Variants in CDKL4 observed in about 807,000 individuals in gnomAD.
CDKL4 encodes cyclin-dependent kinase-like 4.
Under a neutral mutation model 42.0 loss-of-function variants are expected in CDKL4, and 44 were observed. That is an observed-to-expected ratio of 1.05 (90% CI 0.82 to 1.35). The LOEUF is 1.35. Ranked by LOEUF, CDKL4 falls within the 40% of genes most tolerant of loss-of-function variation. The pLI is 0.00. For synonymous variants in CDKL4, 120 were observed against 121.6 expected (o/e 0.99, Z 0.09); for missense variants, 393 against 369.9 (o/e 1.06, Z -0.51).
At chr2:39,203,369 T>C (rs1676971367) in intron 5 of CDKL4, among the ~76,000 whole-genome samples, 1 of 152,238 alleles carries the variant, frequency 6.6e-6, no homozygotes, top group South Asian at 2.1e-4. Context: ...ATGTTCTTAA[T>C]GCTTGTAATG....
rs1020001271 is a variant in CDKL4, at chr2:39,213,386, A to T, written c.363+14T>A. 2.0e-6 allele frequency: 3 copies of T among 1,496,880 alleles called. No homozygotes were observed. The highest frequency in any genetic ancestry group is 2.8e-6 in the Non-Finnish European group (3 of 1,078,264). The allele number at this position is 1,496,880 out of a possible 1,614,324, so 92.7% of individuals were successfully genotyped here. A position where few individuals can be genotyped will look rare whatever the true frequency, so the allele number is the denominator to read the frequency against. The stretch of plus-strand genomic sequence containing the variant: ...ATGAAGAAATGAATAAATACATTAG[A>T]AAATGTTACTTACGTTATGTATATG... On this transcript the variant is annotated intron_variant, in intron 4 of 9. Coordinates refer to ENST00000451199, the Ensembl canonical transcript of CDKL4.
Position 39,224,518 on chromosome 2 carries a change from T to C in CDKL4, c.290+1321A>G, listed in dbSNP as rs546620509. Among the ~76,000 whole-genome samples, 1,233 of 150,308 alleles carry C rather than the reference T, an allele frequency of 8.2e-3. 18 individuals are homozygous for C. The highest frequency in any genetic ancestry group is 0.028 in the African/African-American group (1,150 of 40,938). On this transcript the variant is annotated intron_variant, in intron 3 of 9. Transcript: ENST00000451199. ...CACTAATTTTTTTTTTTTTTTTTTT[T>C]CTTGAGACAGAGTCTTGTTCTGTCA...
intron 3 of CDKL4, among the ~76,000 whole-genome samples, chr2:39,216,326 G>C (rs1677914718): frequency 6.6e-6 from 1 of 152,160 alleles, no homozygotes; most frequent in Non-Finnish European, 1.5e-5. Flanking sequence ...CCTGAGGAGA[G>C]AAAGAACTGG....
intron 5 of CDKL4, among the ~76,000 whole-genome samples, chr2:39,192,849 G>A (rs1304120266): frequency 2.0e-5 from 3 of 151,952 alleles, no homozygotes; most frequent in Non-Finnish European, 2.9e-5. Flanking sequence ...TTCAAGGCCC[G>A]GCACAGTAGC....
chr2:39,213,554 T>C, intron 3 of CDKL4, 82 bp from the exon 4 acceptor site: 1 of 864,460 alleles, frequency 1.2e-6, no homozygotes, highest in Non-Finnish European at 2.0e-6. Flanking sequence ...AGTGGAGTGG[T>C]GAGGGACTGT....
chr2:39,233,856 A>G (rs1365666676), intron 1 of CDKL4, among the ~76,000 whole-genome samples: 1 of 150,244 alleles, frequency 6.7e-6, no homozygotes, highest in African/African-American at 2.4e-5. Flanking sequence ...TCAAATCACA[A>G]GTGGACAAAA....
upstream of CDKL4, among the ~76,000 whole-genome samples, chr2:39,246,693 C>A (rs1679927384): frequency 6.6e-6 from 1 of 152,156 alleles, no homozygotes; most frequent in Non-Finnish European, 1.5e-5. Context: ...CATCTATCAA[C>A]AACCTGGTTT....
intron 9 of CDKL4, chr2:39,178,947 G>C: frequency 1.4e-6 from 2 of 1,444,492 alleles, no homozygotes; most frequent in Non-Finnish European, 9.1e-7. Flanking sequence ...AGCAGCCAAA[G>C]AGTTGCGTAA....
At position 39,217,620 on chromosome 2, in the gene CDKL4, T is replaced by G. The variant is rs536786752; in HGVS notation, c.291-4148A>C. Among the ~76,000 whole-genome samples, 8 of 152,268 alleles carry G rather than the reference T, an allele frequency of 5.3e-5. No homozygotes were observed. In the East Asian group the frequency reaches 1.3e-3, roughly 26 times the overall value. On this transcript the variant is annotated intron_variant, in intron 3 of 9. Coordinates refer to ENST00000451199, the Ensembl canonical transcript of CDKL4. Reference sequence around the variant, plus strand: ...TTTACTTCCATTTCCCTTCCCAACTTTATCTCCTATCACATCCCTAAAGTC... The same window carrying G: ...TTTACTTCCATTTCCCTTCCCAACTGTATCTCCTATCACATCCCTAAAGTC...
chr2:39,196,631 G>A (rs534570811), intron 5 of CDKL4, among the ~76,000 whole-genome samples: 3 of 151,692 alleles, frequency 2.0e-5, no homozygotes, highest in East Asian at 1.9e-4. Flanking sequence ...TTTTTGAGAC[G>A]GAGTCTTGCT....
rs1038937262 is a variant in CDKL4 at position 39,197,468 on chromosome 2, G to A, written c.455-6966C>T. On this transcript the variant is annotated intron_variant, in intron 5 of 9. Coordinates refer to ENST00000451199, the Ensembl canonical transcript of CDKL4. ...TAGAGATCTAGACATCCAAATACAAGAAGCCATCCAAATCCCAAGAACATC... is the reference window on the plus strand; with the variant it reads ...TAGAGATCTAGACATCCAAATACAAAAAGCCATCCAAATCCCAAGAACATC... Among the ~76,000 whole-genome samples the A allele has an allele frequency of 2.6e-5, 4 of 152,140 alleles. No individual in the cohort carries two copies. The East Asian group carries it at 7.7e-4, about 29-fold the overall frequency.
intron 6 of CDKL4, 126 bp from the exon 7 acceptor site, chr2:39,187,835 C>CGA: frequency 6.4e-6 from 4 of 620,302 alleles, no homozygotes; most frequent in Non-Finnish European, 1.1e-5. Context: ...TGAGAGGCTA[C>CGA]GGCAGGTGGA....
At chr2:39,226,470 T>TATATTATAC (rs1678747308) in intron 2 of CDKL4, among the ~76,000 whole-genome samples, 2 of 142,646 alleles carry the variant, frequency 1.4e-5, no homozygotes, top group Non-Finnish European at 3.0e-5. Context: ...ATATATTATA[T>TATATTATAC]ATATATAATA....
At chr2:39,238,956 T>G (rs1679508463) in intron 1 of CDKL4, among the ~76,000 whole-genome samples, 1 of 152,212 alleles carries the variant, frequency 6.6e-6, no homozygotes, top group African/African-American at 2.4e-5. Flanking sequence ...TTCACCATGT[T>G]GGCCAGGCTG....
At chr2:39,242,049 T>G (rs1679688869) in intron 1 of CDKL4, among the ~76,000 whole-genome samples, 1 of 151,872 alleles carries the variant, frequency 6.6e-6, no homozygotes, top group Non-Finnish European at 1.5e-5. Flanking sequence ...TTTTCCTTTT[T>G]TTTTTTTTTT....
chr2:39,246,875 G>A (rs141715079), upstream of CDKL4, among the ~76,000 whole-genome samples: 94 of 152,214 alleles, frequency 6.2e-4, 1 homozygote, highest in African/African-American at 2.1e-3. Context: ...TCCCTCCCCA[G>A]TAGCTGGGAC....
chr2:39,169,694 G>T, the CDKL4 span, among the ~76,000 whole-genome samples: 1 of 152,190 alleles, frequency 6.6e-6, no homozygotes, highest in Non-Finnish European at 1.5e-5. Flanking sequence ...GTTAAATGTT[G>T]TGTCAAGGAT....
At chr2:39,218,578 A>G (rs979784814) in intron 3 of CDKL4, among the ~76,000 whole-genome samples, 1 of 152,356 alleles carries the variant, frequency 6.6e-6, no homozygotes, top group Admixed American at 6.5e-5. Flanking sequence ...TTGAATCAGT[A>G]GACCGCGTAA....
At chr2:39,234,143 G>A (rs1274955051) in intron 1 of CDKL4, among the ~76,000 whole-genome samples, 1 of 152,008 alleles carries the variant, frequency 6.6e-6, no homozygotes, top group Non-Finnish European at 1.5e-5. Flanking sequence ...TCGATCTCCT[G>A]ACCTCATGAT....
Sources: allele counts gnomAD v4.1 joint callset (sites outside exome capture counted in the v4.1 genomes callset), GRCh38; gene constraint gnomAD v4.1.1; transcripts MANE v1.5; gene names NCBI Gene and HGNC (gene_info 2026-07-23, HGNC 2026-07-21).